SLC25A21: variants seen among roughly 807,000 people sequenced by gnomAD.
The protein encoded by SLC25A21 is solute carrier family 25 member 21, also known as mitochondrial 2-oxodicarboxylate carrier.
A neutral mutation model predicts 43.8 loss-of-function variants in SLC25A21; 47 were observed. The observed-to-expected ratio is 1.07, with a 90% confidence interval of 0.85 to 1.37. SLC25A21 has a LOEUF of 1.37. SLC25A21 is among the 40% of genes most tolerant of loss of function. The pLI is 0.00. For synonymous variants in SLC25A21, 131 were observed against 121.3 expected, an observed-to-expected ratio of 1.08 and a Z score of -0.52; for missense variants, 352 against 350.2, an observed-to-expected ratio of 1.00 and a Z score of -0.04.
In SLC25A21 at chr14:36,798,565, TTA is replaced by T. The variant is rs201242135; in HGVS notation, c.203+15351_203+15352del. ...AAGGCCAGAGCTGGGTTTTTTTTTT[TTA>T]ATGTAACTGGTATGCTGCCTAACAG... On this transcript the variant is annotated intron_variant, in intron 3 of 9. Transcript: ENST00000331299. Among the ~76,000 whole-genome samples, 116 of 128,164 alleles carry T rather than the reference TTA, an allele frequency of 9.1e-4. 1 individual carries two copies. The highest frequency in any genetic ancestry group is 4.3e-3 in the Middle Eastern group (1 of 234). 84.1% of individuals were successfully genotyped at this position (128,164 alleles called of 152,430 possible).
At chr14:36,935,450 T>TC (rs1490369851) in intron 1 of SLC25A21, among the ~76,000 whole-genome samples, 2 of 152,150 alleles carry the variant, frequency 1.3e-5, no homozygotes, top group African/African-American at 4.8e-5. Flanking sequence ...ACACTGTGGT[T>TC]CTCTTTTTAG....
intron 1 of SLC25A21, among the ~76,000 whole-genome samples, chr14:37,044,537 T>TA (rs1961547021): frequency 6.6e-6 from 1 of 152,212 alleles, no homozygotes. Flanking sequence ...ATTTTAGGAA[T>TA]AATATCAATA....
At chr14:36,952,274 T>C (rs1187055680) in intron 1 of SLC25A21, 1 of 153,890 alleles carries the variant, frequency 6.5e-6, no homozygotes, top group Non-Finnish European at 1.5e-5. Flanking sequence ...CAGAGTAGAA[T>C]AAATAAATGA....
chr14:36,900,844 G>C (rs1254695905), intron 1 of SLC25A21, among the ~76,000 whole-genome samples: 1 of 152,184 alleles, frequency 6.6e-6, no homozygotes, highest in Non-Finnish European at 1.5e-5. Context: ...GGGAGCCATT[G>C]CAATAGGGCA....
intron 1 of SLC25A21, among the ~76,000 whole-genome samples, chr14:36,879,899 C>T (rs1890661150): frequency 6.6e-6 from 1 of 151,814 alleles, no homozygotes; most frequent in Non-Finnish European, 1.5e-5. Context: ...GTGTTCAATT[C>T]CTAGAACTTT....
chr14:36,766,078 T>C (rs1886404049), intron 3 of SLC25A21, among the ~76,000 whole-genome samples: 1 of 152,060 alleles, frequency 6.6e-6, no homozygotes, highest in Non-Finnish European at 1.5e-5. Context: ...CTCCCGTTTC[T>C]CTAGTTCTTG....
chr14:36,835,413 G>A (rs1251296064), intron 2 of SLC25A21, among the ~76,000 whole-genome samples: 1 of 152,174 alleles, frequency 6.6e-6, no homozygotes, highest in Non-Finnish European at 1.5e-5. Flanking sequence ...CTCAGTGCAT[G>A]AATGGCTATT....
chr14:37,154,944 T>C (rs1963822965), intron 1 of SLC25A21, among the ~76,000 whole-genome samples: 1 of 152,192 alleles, frequency 6.6e-6, no homozygotes, highest in Non-Finnish European at 1.5e-5. Context: ...GCCCGGCCGA[T>C]ATCTTTTTCG....
chr14:37,105,483 G>C (rs1440258180), intron 1 of SLC25A21, among the ~76,000 whole-genome samples: 3 of 152,054 alleles, frequency 2.0e-5, no homozygotes, highest in Non-Finnish European at 4.4e-5. Flanking sequence ...TTTTTTCCCA[G>C]GGCCAAATCA....
chr14:37,069,346 T>G (rs1300371181), intron 1 of SLC25A21, among the ~76,000 whole-genome samples: 6 of 152,246 alleles, frequency 3.9e-5, no homozygotes, highest in African/African-American at 1.4e-4. Context: ...ATGGTTGTGA[T>G]AAATTATAGA....
intron 1 of SLC25A21, among the ~76,000 whole-genome samples, chr14:37,087,420 G>A (rs372930132): frequency 2.6e-5 from 4 of 152,166 alleles, no homozygotes; most frequent in South Asian, 2.1e-4. Flanking sequence ...GAAACCAACT[G>A]GGTTTCATTT....
intron 1 of SLC25A21, among the ~76,000 whole-genome samples, chr14:37,106,124 T>G (rs548701513): frequency 6.6e-6 from 1 of 152,162 alleles, no homozygotes; most frequent in African/African-American, 2.4e-5. Flanking sequence ...TACAAATTGA[T>G]TGTAAAATGT....
chr14:36,990,015 A>G (rs1960229534), intron 1 of SLC25A21, among the ~76,000 whole-genome samples: 1 of 152,224 alleles, frequency 6.6e-6, no homozygotes, highest in Non-Finnish European at 1.5e-5. Context: ...CATAAAGTAG[A>G]ACTCTAAGTA....
At chr14:36,752,787 G>C (rs1014513724) in intron 3 of SLC25A21, among the ~76,000 whole-genome samples, 12 of 152,174 alleles carry the variant, frequency 7.9e-5, no homozygotes, top group African/African-American at 2.7e-4. Flanking sequence ...GTGATAGTGA[G>C]GGAGTTCTCA....
intron 7 of SLC25A21, among the ~76,000 whole-genome samples, chr14:36,705,896 C>T (rs752918473): frequency 3.9e-5 from 6 of 152,212 alleles, no homozygotes; most frequent in Admixed American, 6.5e-5. Flanking sequence ...ACAGCAAAGA[C>T]GAAATAAGGC....
chr14:36,932,141 C>T (rs1016049227), intron 1 of SLC25A21, among the ~76,000 whole-genome samples: 2 of 152,076 alleles, frequency 1.3e-5, no homozygotes, highest in Non-Finnish European at 2.9e-5. Context: ...GTCAATAAAG[C>T]AACTCAAAAG....
chr14:37,144,796 G>GT (rs1963631950), intron 1 of SLC25A21, among the ~76,000 whole-genome samples: 1 of 137,966 alleles, frequency 7.2e-6, no homozygotes, highest in Admixed American at 7.3e-5. Context: ...TTTTTTTTTT[G>GT]TTTTTTTAGT....
chr14:36,919,649 A>ATCTATCTATCTGTCTG (rs1555336818), intron 1 of SLC25A21, among the ~76,000 whole-genome samples: 59 of 149,740 alleles, frequency 3.9e-4, no homozygotes, highest in African/African-American at 1.4e-3. Context: ...CTATCTATCT[A>ATCTATCTATCTGTCTG]TCTATCTATC....
chr14:36,959,678 T>G (rs1244878193), intron 1 of SLC25A21, among the ~76,000 whole-genome samples: 2 of 152,134 alleles, frequency 1.3e-5, no homozygotes, highest in African/African-American at 4.8e-5. Flanking sequence ...TCTCTGAATT[T>G]CCTGAATCTA....
Sources: gnomAD v4.1 joint callset for allele counts (sites outside exome capture counted in the v4.1 genomes callset) on GRCh38, gnomAD v4.1.1 for gene constraint, MANE v1.5 for transcripts, NCBI Gene and HGNC (gene_info 2026-07-23, HGNC 2026-07-21) for gene names.